The following TDP1 variants were observed in gnomAD, a reference collection of about 807,000 sequenced individuals.
TDP1 encodes the protein tyrosyl-DNA phosphodiesterase 1, also known as tyr-DNA phosphodiesterase 1.
In TDP1, 64 loss-of-function variants were observed where a neutral mutation model predicts 81.5. That is an observed-to-expected ratio of 0.79 (90% CI 0.64 to 0.97). TDP1 has a LOEUF of 0.97. TDP1 is among the 50% of genes least tolerant of loss of function. TDP1 has a pLI of 0.00. For synonymous variants in TDP1, 256 were observed against 264.3 expected, an observed-to-expected ratio of 0.97 and a Z score of 0.30; for missense variants, 723 against 743.8, an observed-to-expected ratio of 0.97 and a Z score of 0.33.
chr14:89,976,880 G>A (rs1020088736), intron 7 of TDP1, among the ~76,000 whole-genome samples: 2 of 152,140 alleles, frequency 1.3e-5, no homozygotes, highest in East Asian at 1.9e-4. Flanking sequence ...GAGGCTGGGC[G>A]CTGTGGCTCA....
chr14:89,958,235 T>G (rs1165852547), intron 2 of TDP1: 2 of 152,288 alleles, frequency 1.3e-5, no homozygotes, highest in Non-Finnish European at 2.9e-5. Context: ...TGAATGGGGG[T>G]GTGTGGCAGC....
chr14:90,003,412 A>G (rs1414230619), intron 14 of TDP1, among the ~76,000 whole-genome samples: 2 of 152,198 alleles, frequency 1.3e-5, no homozygotes, highest in Admixed American at 1.3e-4. Context: ...AGAGATATTT[A>G]TGGTTTTAAT....
intron 13 of TDP1, among the ~76,000 whole-genome samples, 200 bp downstream of exon 13, chr14:89,992,183 A>G (rs933177904): frequency 6.6e-6 from 1 of 152,204 alleles, no homozygotes; most frequent in Non-Finnish European, 1.5e-5. Flanking sequence ...AAAGAGGAAA[A>G]TTTATTGCTG....
intron 14 of TDP1, among the ~76,000 whole-genome samples, chr14:89,996,653 T>C (rs1282926075): frequency 6.6e-6 from 1 of 152,206 alleles, no homozygotes; most frequent in Non-Finnish European, 1.5e-5. Flanking sequence ...TGAACAAGTC[T>C]TGCCTTGGAC....
In TDP1 at chr14:89,998,857, G is replaced by T. The variant is rs113390887; in HGVS notation, c.1541+5374G>T. Among the ~76,000 whole-genome samples the T allele has an allele frequency of 1.0e-2, 1,520 of 152,118 alleles. 12 individuals are homozygous for T. Among genetic ancestry groups the T allele is most frequent in the Middle Eastern group, 0.017 (5 of 294 alleles). On this transcript the variant is annotated intron_variant, in intron 14 of 16. Coordinates refer to ENST00000335725, the MANE Select transcript of TDP1 (RefSeq NM_018319.4). The stretch of plus-strand genomic sequence containing the variant: ...GAGCAGTAGTGGGTGGCCAGACTTT[G>T]CCTTTTTACCTGCTTTCAGATATTA...
At chr14:90,002,024 CAAAAATTATTTGAATCAGTACCCTTTT>C (rs1897232851) in intron 14 of TDP1, among the ~76,000 whole-genome samples, 1 of 151,938 alleles carries the variant, frequency 6.6e-6, no homozygotes, top group African/African-American at 2.4e-5. Flanking sequence ...GGTTACTGAC[CAAAAATTATTTGAATCAGTACCCTTTT>C]AAAAACTTAT....
At chr14:90,004,681 C>G (rs184565408) in intron 14 of TDP1, among the ~76,000 whole-genome samples, 5 of 152,274 alleles carry the variant, frequency 3.3e-5, no homozygotes, top group Non-Finnish European at 5.9e-5. Context: ...GGTCCCTGCT[C>G]TCATGAACTT....
rs367589828 is a variant in TDP1, at chr14:90,020,256, C to T, written c.1644+838C>T. 3.8e-3 allele frequency among the ~76,000 whole-genome samples: 576 copies of T among 152,086 alleles called. 3 individuals carry two copies. The highest frequency in any genetic ancestry group is 0.01 in the South Asian group (49 of 4,824). ...TAAGAGGCACATGGACTGAGATCTC[C>T]CATGTCACCTCCTTATACTCACTGT... On this transcript the variant is annotated intron_variant, in intron 15 of 16. Transcript: ENST00000335725.
intron 14 of TDP1, among the ~76,000 whole-genome samples, chr14:89,998,427 T>C (rs1398626680): frequency 0.014 from 1,755 of 126,266 alleles, 237 homozygotes; most frequent in African/African-American, 0.058. Flanking sequence ...TATATATGTA[T>C]GTATGTATGT....
intron 13 of TDP1, chr14:89,992,902 A>G (rs1237697946): frequency 1.0e-6 from 1 of 984,028 alleles, no homozygotes; most frequent in Admixed American, 6.1e-5. Flanking sequence ...ATTTGACTAA[A>G]GTATTTCTGC....
In TDP1 at chr14:90,043,108, C is replaced by T. The variant is rs1171338825; in HGVS notation, c.1792C>T (p.Pro598Ser). 6.2e-7 allele frequency: 1 copy of T among 1,614,074 alleles called. No homozygotes were observed. The highest frequency in any genetic ancestry group is 1.7e-5 in the Admixed American group (1 of 60,002). ...WIWNIPYVKA[P>S]DTHGNMWVPS ...ATGGAACATTCCTTATGTCAAAGCA[C>T]CGGATACGCATGGGAACATGTGGGT... The change falls in exon 17 of 17, where the codon CCG becomes TCG. Residue 598 changes from proline to serine, a missense_variant. Pro to Ser is a moderately conservative substitution (Grantham distance 74). Transcript: ENST00000335725.
chr14:90,009,803 T>C (rs1884483588), intron 14 of TDP1, among the ~76,000 whole-genome samples: 1 of 152,118 alleles, frequency 6.6e-6, no homozygotes, highest in Non-Finnish European at 1.5e-5. Context: ...ATAGATAAAT[T>C]GATGAACAGA....
Position 89,982,932 on chromosome 14 carries a change from A to G in TDP1, c.885-1584A>G, listed in dbSNP as rs73326411. Among the ~76,000 whole-genome samples, 908 of 152,286 alleles carry G rather than the reference A, an allele frequency of 6.0e-3. 7 individuals are homozygous for G. The highest frequency in any genetic ancestry group is 0.021 in the African/African-American group (871 of 41,544). On this transcript the variant is annotated intron_variant, in intron 8 of 16. Transcript: ENST00000335725. ...GCTAATCCCCTTCAGCTGCCTCATG[A>G]TCCACCTGTTGATTTCTCACTTTTT...
chr14:89,997,601 A>C (rs1811643980), intron 14 of TDP1, among the ~76,000 whole-genome samples: 1 of 152,194 alleles, frequency 6.6e-6, no homozygotes, highest in Non-Finnish European at 1.5e-5. Context: ...TAACACCGTA[A>C]TCCTTTGCGA....
intron 14 of TDP1, among the ~76,000 whole-genome samples, chr14:89,998,372 T>TTTTA (rs1555390517): frequency 5.6e-5 from 3 of 53,148 alleles, no homozygotes; most frequent in African/African-American, 2.5e-4. Flanking sequence ...TCCAAGCACA[T>TTTTA]TATATATATA....
At chr14:89,989,375 T>C (rs939522075) in intron 11 of TDP1, 2 of 985,368 alleles carry the variant, frequency 2.0e-6, no homozygotes, top group Non-Finnish European at 2.4e-6. Flanking sequence ...TTCAGGTTGT[T>C]GAACCAAGGT....
chr14:89,959,810 C>CT, intron 2 of TDP1, among the ~76,000 whole-genome samples: 1 of 152,190 alleles, frequency 6.6e-6, no homozygotes, highest in African/African-American at 2.4e-5. Context: ...AAGGATTTTA[C>CT]CTTAGCAACT....
intron 10 of TDP1, 73 bp from the exon 11 acceptor site, chr14:89,988,832 T>A: frequency 6.2e-7 from 1 of 1,600,502 alleles, no homozygotes; most frequent in South Asian, 1.1e-5. Context: ...AGCAGAAAAC[T>A]GTTTTCAAAT....
At chr14:89,998,432 GTATGTATGTA>G (rs1392848410) in intron 14 of TDP1, among the ~76,000 whole-genome samples, 1,812 of 109,918 alleles carry the variant, frequency 0.016, 235 homozygotes, top group African/African-American at 0.069. Flanking sequence ...ATGTATGTAT[GTATGTATGTA>G]TATGTATATG....
Sources: gnomAD v4.1 joint callset for allele counts (sites outside exome capture counted in the v4.1 genomes callset) on GRCh38, gnomAD v4.1.1 for gene constraint, MANE v1.5 for transcripts, NCBI Gene and HGNC (gene_info 2026-07-23, HGNC 2026-07-21) for gene names.